The following L3MBTL4 variants were observed in gnomAD, a reference collection of about 807,000 sequenced individuals.
L3MBTL4 encodes lethal(3)malignant brain tumor-like protein 4.
A neutral mutation model predicts 84.5 loss-of-function variants in L3MBTL4; 70 were observed. The observed-to-expected ratio is 0.83, with a 90% CI of 0.68 to 1.01. The LOEUF (loss-of-function observed/expected upper bound fraction) is 1.01. Ranked by LOEUF, L3MBTL4 falls within the 50% of genes least tolerant of loss-of-function variation. L3MBTL4 has a pLI of 0.00. For synonymous variants in L3MBTL4, 274 were observed against 259.8 expected (o/e 1.05, Z -0.52); for missense variants, 715 against 754.8 (o/e 0.95, Z 0.62).
intron 3 of L3MBTL4, among the ~76,000 whole-genome samples, chr18:6,310,609 C>T (rs1338891458): frequency 3.3e-5 from 5 of 152,162 alleles, no homozygotes; most frequent in African/African-American, 1.2e-4. Flanking sequence ...ACAAACCACA[C>T]GAAGACCCCA....
At chr18:5,995,684 T>G (rs1195031072) in intron 16 of L3MBTL4, among the ~76,000 whole-genome samples, 3 of 152,178 alleles carry the variant, frequency 2.0e-5, no homozygotes, top group East Asian at 1.9e-4. Context: ...AAGACAGATT[T>G]GGGAGTTCTA....
chr18:6,286,166 T>C (rs932736545), intron 4 of L3MBTL4, among the ~76,000 whole-genome samples: 4 of 151,028 alleles, frequency 2.6e-5, no homozygotes, highest in African/African-American at 9.7e-5. Context: ...ACATTTCCCC[T>C]TCTTATAAAA....
At chr18:6,044,055 T>C (rs1425445781) in intron 16 of L3MBTL4, among the ~76,000 whole-genome samples, 2 of 152,202 alleles carry the variant, frequency 1.3e-5, no homozygotes, top group African/African-American at 4.8e-5. Context: ...AAAGGATCCT[T>C]TAGCAGGTTC....
intron 16 of L3MBTL4, among the ~76,000 whole-genome samples, chr18:6,059,557 T>C (rs192638271): frequency 2.6e-5 from 4 of 152,078 alleles, no homozygotes; most frequent in Admixed American, 6.6e-5. Context: ...AAATTTTGTA[T>C]GAAAAGAAGG....
chr18:6,317,636 G>GA (rs1386789700), intron 1 of L3MBTL4, among the ~76,000 whole-genome samples: 4 of 152,184 alleles, frequency 2.6e-5, no homozygotes, highest in Admixed American at 2.6e-4. Context: ...AATAACTGGT[G>GA]TTCCTGAGGG....
chr18:6,263,975 A>G lies in L3MBTL4; in HGVS notation c.191T>C (p.Val64Ala). 6.2e-7 allele frequency: 1 copy of G among 1,614,056 alleles called. No homozygotes were observed. Among genetic ancestry groups the G allele is most frequent in the Non-Finnish European group, 8.5e-7 (1 of 1,179,880 alleles). Residue 64 changes from valine (V) to alanine (A), a missense_variant, in exon 5 of 19, where the codon GTC becomes GCC. Coordinates refer to ENST00000317931, the MANE Select transcript of L3MBTL4 (RefSeq NM_001330559.2). ...WEWYLKEQKA[V>A]AAPVELFSKD... is the part of the protein sequence containing the mutation. ...GGAAAACAGCTCAACAGGTGCTGCG[A>G]CAGCCTTCTGTTCTTTCAAGTACCA...
intron 16 of L3MBTL4, among the ~76,000 whole-genome samples, chr18:5,978,451 C>G (rs114730049): frequency 2.6e-5 from 4 of 152,182 alleles, no homozygotes; most frequent in Admixed American, 2.6e-4. Context: ...TACTACACCC[C>G]AATCACCCAG....
At position 6,168,133 on chromosome 18, in the gene L3MBTL4, C is replaced by T. The variant is rs542159720; in HGVS notation, c.1096+3695G>A. On this transcript the variant is annotated intron_variant, in intron 13 of 18. Coordinates refer to ENST00000317931, the MANE Select transcript of L3MBTL4 (RefSeq NM_001330559.2). ...CCAACTTACAAGGGATGTGAAGGAC[C>T]TCTTCAAGGAGAACTACAAACCACT... Among the ~76,000 whole-genome samples the T allele has an allele frequency of 8.8e-4, 134 of 152,114 alleles. 1 individual carries two copies. Among genetic ancestry groups the T allele is most frequent in the African/African-American group, 3.1e-3 (129 of 41,494 alleles).
At chr18:6,404,846 T>C (rs2055658139) in intron 1 of L3MBTL4, among the ~76,000 whole-genome samples, 1 of 151,272 alleles carries the variant, frequency 6.6e-6, no homozygotes. Context: ...CCATCGTGCC[T>C]GGATAATTTT....
chr18:6,409,193 A>T (rs1417063238), intron 1 of L3MBTL4, among the ~76,000 whole-genome samples: 1 of 152,238 alleles, frequency 6.6e-6, no homozygotes, highest in African/African-American at 2.4e-5. Context: ...CTGCTCTTGT[A>T]TGAATGGGCT....
intron 16 of L3MBTL4, among the ~76,000 whole-genome samples, chr18:6,040,739 C>A (rs1465360968): frequency 2.0e-5 from 3 of 152,110 alleles, no homozygotes; most frequent in Non-Finnish European, 2.9e-5. Flanking sequence ...TAGTCCTAGT[C>A]TGAGAAAGAG....
chr18:5,994,127 G>A (rs1341390434), intron 16 of L3MBTL4, among the ~76,000 whole-genome samples: 2 of 152,248 alleles, frequency 1.3e-5, no homozygotes, highest in South Asian at 4.1e-4. Flanking sequence ...CTGCTCCTGG[G>A]GCATGCAGGT....
intron 4 of L3MBTL4, among the ~76,000 whole-genome samples, chr18:6,266,034 C>T (rs911203797): frequency 6.6e-6 from 1 of 152,082 alleles, no homozygotes; most frequent in African/African-American, 2.4e-5. Flanking sequence ...ATAATCATTC[C>T]ACAAGCATAT....
rs1460705927 is a variant in L3MBTL4, at chr18:5,972,872, T to C, written c.1445-3310A>G. Among the ~76,000 whole-genome samples the C allele has an allele frequency of 4.0e-5, 4 of 99,838 alleles. No individual in the cohort carries two copies. In the South Asian group the frequency reaches 9.9e-4, roughly 25 times the overall value. The allele number at this position is 99,838 out of a possible 152,430, so 65.5% of individuals were successfully genotyped here. ...AAAAATAGAATAGTATAGAATAGAA[T>C]AGAATAGAATAGAACAGAAGAGAAT... On this transcript the variant is annotated intron_variant, in intron 16 of 18. Coordinates refer to ENST00000317931, the MANE Select transcript of L3MBTL4 (RefSeq NM_001330559.2).
At chr18:6,413,616 G>A (rs1274475442) in intron 1 of L3MBTL4, among the ~76,000 whole-genome samples, 1 of 152,196 alleles carries the variant, frequency 6.6e-6, no homozygotes, top group Non-Finnish European at 1.5e-5. Flanking sequence ...TTTCAGCCAA[G>A]GACTGAAACT....
At chr18:6,020,764 T>C (rs957320862) in intron 16 of L3MBTL4, among the ~76,000 whole-genome samples, 1 of 152,184 alleles carries the variant, frequency 6.6e-6, no homozygotes, top group Non-Finnish European at 1.5e-5. Flanking sequence ...ATTGGTTAGA[T>C]GGTGGAGCCA....
chr18:6,253,699 C>G (rs954073646), intron 5 of L3MBTL4, among the ~76,000 whole-genome samples: 2 of 152,236 alleles, frequency 1.3e-5, no homozygotes, highest in African/African-American at 2.4e-5. Context: ...TTCCAACCTT[C>G]TGTTGCATTA....
intron 16 of L3MBTL4, among the ~76,000 whole-genome samples, chr18:5,999,456 C>G (rs1598399753): frequency 6.6e-6 from 1 of 152,154 alleles, no homozygotes; most frequent in African/African-American, 2.4e-5. Context: ...TGAGCACGCC[C>G]TACCTTCCTC....
intron 16 of L3MBTL4, among the ~76,000 whole-genome samples, chr18:6,040,324 GT>G (rs1347661787): frequency 1.3e-5 from 2 of 152,122 alleles, no homozygotes; most frequent in Non-Finnish European, 1.5e-5. Context: ...AGCACTTTTG[GT>G]TGTCACATCT....
Sources: allele counts gnomAD v4.1 joint callset (sites outside exome capture counted in the v4.1 genomes callset), GRCh38; gene constraint gnomAD v4.1.1; transcripts MANE v1.5; gene names NCBI Gene and HGNC (gene_info 2026-07-23, HGNC 2026-07-21).